The following NBAS variants were observed in gnomAD, a reference collection of about 807,000 sequenced individuals.
NBAS encodes NBAS subunit of NRZ tethering complex.
NBAS carries 219 observed loss-of-function variants against 302.5 expected under a neutral mutation model. That is an observed-to-expected ratio of 0.72 (90% CI 0.65 to 0.81). NBAS has a LOEUF of 0.81. NBAS is among the 30% of genes least tolerant of loss of function. NBAS has a pLI of 0.00. For missense variants in NBAS, 2,932 were observed against 2,841.6 expected (o/e 1.03, Z -0.72); for synonymous variants, 1,118 against 1,021.6 (o/e 1.09, Z -1.80).
the NBAS span, among the ~76,000 whole-genome samples, chr2:15,054,555 C>T: frequency 6.6e-6 from 1 of 152,214 alleles, no homozygotes; most frequent in Non-Finnish European, 1.5e-5. Flanking sequence ...AGTGCTGTAA[C>T]CTGGACTCAA....
the NBAS span, among the ~76,000 whole-genome samples, chr2:15,130,303 T>A: frequency 1.3e-5 from 2 of 152,256 alleles, no homozygotes; most frequent in East Asian, 1.9e-4. Flanking sequence ...GTATTTTTTT[T>A]ATTCATGGAT....
the NBAS span, among the ~76,000 whole-genome samples, chr2:14,855,627 C>T: frequency 6.6e-6 from 1 of 152,070 alleles, no homozygotes; most frequent in Non-Finnish European, 1.5e-5. Context: ...TGGTGGTAGT[C>T]TAGCTGTACT....
chr2:14,954,166 G>T, the NBAS span, among the ~76,000 whole-genome samples: 1 of 152,172 alleles, frequency 6.6e-6, no homozygotes, highest in South Asian at 2.1e-4. Flanking sequence ...CTATGGAAAT[G>T]GCTACTGAAA....
intron 40 of NBAS, among the ~76,000 whole-genome samples, chr2:15,297,916 A>T (rs1052464196): frequency 1.3e-5 from 2 of 152,070 alleles, no homozygotes; most frequent in Non-Finnish European, 2.9e-5. Context: ...TAGGTTTTCA[A>T]CTGGATATTC....
the NBAS span, among the ~76,000 whole-genome samples, chr2:14,943,840 G>T: frequency 6.6e-6 from 1 of 151,956 alleles, no homozygotes; most frequent in African/African-American, 2.4e-5. Flanking sequence ...TTTCCAATAG[G>T]ATTTGAGAAA....
intron 51 of NBAS, among the ~76,000 whole-genome samples, chr2:15,178,648 C>A (rs897833463): frequency 6.6e-6 from 1 of 152,166 alleles, no homozygotes; most frequent in Non-Finnish European, 1.5e-5. Context: ...GTTCCCTAGA[C>A]CCAAATTTCA....
At chr2:15,306,986 C>T (rs1252387064) in intron 40 of NBAS, among the ~76,000 whole-genome samples, 1 of 152,168 alleles carries the variant, frequency 6.6e-6, no homozygotes, top group African/African-American at 2.4e-5. Flanking sequence ...GTGCCAAGGG[C>T]GTCCTCACAG....
the NBAS span, among the ~76,000 whole-genome samples, chr2:14,965,112 C>T: frequency 2.6e-5 from 4 of 151,546 alleles, no homozygotes; most frequent in Admixed American, 6.6e-5. Context: ...CTTCGCCTTC[C>T]GTTTTAAGAA....
At chr2:14,949,672 TA>T in the NBAS span, among the ~76,000 whole-genome samples, 1 of 152,112 alleles carries the variant, frequency 6.6e-6, no homozygotes, top group East Asian at 1.9e-4. Context: ...TATGTGTGTA[TA>T]GATATAGATA....
At chr2:15,444,601 T>C (rs933775088) in intron 21 of NBAS, among the ~76,000 whole-genome samples, 5 of 151,962 alleles carry the variant, frequency 3.3e-5, no homozygotes, top group African/African-American at 9.7e-5. Flanking sequence ...TGGGCAAGGA[T>C]TTCATGTCTA....
chr2:15,144,995 C>T, the NBAS span, among the ~76,000 whole-genome samples: 3 of 151,252 alleles, frequency 2.0e-5, no homozygotes, highest in African/African-American at 7.4e-5. Context: ...TGAGGTTAAG[C>T]TATTTGGTGT....
chr2:15,479,337 A>C (rs1389820845), intron 12 of NBAS, among the ~76,000 whole-genome samples: 1 of 152,226 alleles, frequency 6.6e-6, no homozygotes, highest in African/African-American at 2.4e-5. Context: ...AATAAGATAC[A>C]TATTATTGAA....
chr2:15,240,375 G>T (rs1196979150), intron 44 of NBAS, among the ~76,000 whole-genome samples: 2 of 150,136 alleles, frequency 1.3e-5, no homozygotes. Context: ...GGCCAAGATG[G>T]ATGGATCACG....
chr2:14,935,018 A>AT, the NBAS span, among the ~76,000 whole-genome samples: 5 of 152,044 alleles, frequency 3.3e-5, no homozygotes, highest in African/African-American at 1.2e-4. Context: ...CAGGATATAT[A>AT]TTTTTCTATT....
chr2:15,259,247 A>G (rs150693162), intron 44 of NBAS, among the ~76,000 whole-genome samples: 93 of 152,342 alleles, frequency 6.1e-4, no homozygotes, highest in African/African-American at 2.1e-3. Flanking sequence ...AAGCACAAAG[A>G]CGTTGAATTG....
At chr2:15,555,434 A>G (rs1041431175) in intron 3 of NBAS, among the ~76,000 whole-genome samples, 2 of 152,150 alleles carry the variant, frequency 1.3e-5, no homozygotes, top group Non-Finnish European at 2.9e-5. Context: ...GAAAAGAAAA[A>G]GGGAAAGGAC....
At chr2:15,063,433 C>T in the NBAS span, among the ~76,000 whole-genome samples, 2 of 151,906 alleles carry the variant, frequency 1.3e-5, no homozygotes. Flanking sequence ...CTCCATCTAG[C>T]CTGTAAGCTC....
At chr2:14,923,834 G>T in the NBAS span, among the ~76,000 whole-genome samples, 2 of 152,152 alleles carry the variant, frequency 1.3e-5, no homozygotes, top group East Asian at 1.9e-4. Context: ...TGGGGATGGG[G>T]TGTCCTAATC....
At chr2:14,800,799 T>G in the NBAS span, among the ~76,000 whole-genome samples, 5 of 151,360 alleles carry the variant, frequency 3.3e-5, no homozygotes, top group African/African-American at 1.2e-4. Flanking sequence ...TTGTTTTTTT[T>G]TTTTTAGGCA....
Sources: gnomAD v4.1 joint callset for allele counts (sites outside exome capture counted in the v4.1 genomes callset) on GRCh38, gnomAD v4.1.1 for gene constraint, MANE v1.5 for transcripts, NCBI Gene and HGNC (gene_info 2026-07-23, HGNC 2026-07-21) for gene names.